The following TRIM51G variants were observed in gnomAD, a reference collection of about 807,000 sequenced individuals.
TRIM51G encodes the protein tripartite motif-containing protein 51G.
chr11:48,982,448 T>G, the TRIM51G span, among the ~76,000 whole-genome samples: 2 of 152,042 alleles, frequency 1.3e-5, no homozygotes, highest in South Asian at 4.1e-4. Context: ...GGTATAGCAT[T>G]ATTTCTGGGT....
chr11:48,982,565 T>C, the TRIM51G span, among the ~76,000 whole-genome samples: 12 of 152,028 alleles, frequency 7.9e-5, no homozygotes, highest in Admixed American at 4.6e-4. Flanking sequence ...TAGCTCAGAC[T>C]GAAGATAAAG....
the TRIM51G span, chr11:48,975,499 C>T: frequency 7.2e-7 from 1 of 1,382,722 alleles, no homozygotes; most frequent in South Asian, 1.2e-5. Context: ...TTTCTCTGGT[C>T]AGAAGTGACT....
chr11:48,982,947 G>GTGTGTGTGTATATATATA, the TRIM51G span, among the ~76,000 whole-genome samples: 1 of 86,152 alleles, frequency 1.2e-5, no homozygotes, highest in Non-Finnish European at 2.2e-5. Context: ...AGTATTTTTG[G>GTGTGTGTGTATATATATA]TATATATACA....
At chr11:48,981,657 G>A in the TRIM51G span, 2 of 1,599,824 alleles carry the variant, frequency 1.3e-6, no homozygotes, top group East Asian at 2.2e-5. Context: ...TGGGACAGAT[G>A]AGTTCCCTCT....
chr11:48,978,847 A>G, the TRIM51G span: 1 of 1,033,814 alleles, frequency 9.7e-7, no homozygotes, highest in Non-Finnish European at 1.5e-6. Context: ...CTTCAACATC[A>G]TGATAACCCA....
At chr11:48,975,798 C>T in the TRIM51G span, 2 of 1,549,358 alleles carry the variant, frequency 1.3e-6, no homozygotes, top group South Asian at 2.2e-5. Flanking sequence ...CACCAAAAGC[C>T]CAATTCCAAG....
the TRIM51G span, among the ~76,000 whole-genome samples, chr11:48,977,775 T>C: frequency 0.41 from 62,998 of 151,916 alleles, 15,234 homozygotes; most frequent in Admixed American, 0.53. Flanking sequence ...TTTGTAGCCA[T>C]GTAGTAAATG....
the TRIM51G span, chr11:48,979,168 C>G: frequency 1.5e-6 from 1 of 652,482 alleles, no homozygotes; most frequent in East Asian, 3.1e-5. Context: ...ACTGATTCCT[C>G]TTAGCATTCT....
the TRIM51G span, among the ~76,000 whole-genome samples, chr11:48,976,517 G>C: frequency 6.6e-6 from 1 of 152,026 alleles, no homozygotes; most frequent in Non-Finnish European, 1.5e-5. Flanking sequence ...GCTAGCTCTA[G>C]ACTGAAACTG....
chr11:48,980,421 T>C, the TRIM51G span, among the ~76,000 whole-genome samples: 6 of 152,148 alleles, frequency 3.9e-5, no homozygotes, highest in African/African-American at 1.2e-4. Context: ...ACTGATTCAA[T>C]ATTAATTAGT....
At chr11:48,976,321 A>C in the TRIM51G span, among the ~76,000 whole-genome samples, 4 of 152,076 alleles carry the variant, frequency 2.6e-5, no homozygotes, top group East Asian at 1.9e-4. Flanking sequence ...CTATCAAGGT[A>C]ATTATTATTA....
the TRIM51G span, chr11:48,975,707 T>C: frequency 1.3e-6 from 2 of 1,543,606 alleles, no homozygotes; most frequent in South Asian, 1.1e-5. Flanking sequence ...GTGTCCTCCT[T>C]AACACATCCA....
the TRIM51G span, chr11:48,978,748 G>T: frequency 4.4e-5 from 25 of 573,986 alleles, no homozygotes; most frequent in Admixed American, 6.8e-4. Flanking sequence ...AGTAGCATTA[G>T]TTATAGAATC....
chr11:48,980,616 C>T, the TRIM51G span, among the ~76,000 whole-genome samples: 3 of 152,076 alleles, frequency 2.0e-5, no homozygotes, highest in Non-Finnish European at 4.4e-5. Flanking sequence ...TCCAGGCAGC[C>T]CACTGGGAAC....
At chr11:48,976,000 G>A in the TRIM51G span, 1 of 605,570 alleles carries the variant, frequency 1.7e-6, no homozygotes. Flanking sequence ...AAGATAAACT[G>A]CAAAAATAAT....
chr11:48,978,236 C>T, the TRIM51G span: 1 of 516,278 alleles, frequency 1.9e-6, no homozygotes, highest in Admixed American at 2.1e-5. Flanking sequence ...GATATGGAGA[C>T]AGTTTCTGAA....
the TRIM51G span, among the ~76,000 whole-genome samples, chr11:48,976,558 T>C: frequency 6.6e-6 from 1 of 152,178 alleles, no homozygotes; most frequent in Non-Finnish European, 1.5e-5. Flanking sequence ...GCTCTTCATG[T>C]TGTAACTAAA....
At chr11:48,976,460 G>A in the TRIM51G span, among the ~76,000 whole-genome samples, 5 of 152,062 alleles carry the variant, frequency 3.3e-5, no homozygotes, top group Non-Finnish European at 7.4e-5. Context: ...GGTAACTTAA[G>A]GCAGATTTTT....
chr11:48,978,486 A>G, the TRIM51G span, among the ~76,000 whole-genome samples: 11 of 152,152 alleles, frequency 7.2e-5, no homozygotes, highest in East Asian at 3.9e-4. Flanking sequence ...CCCCAACATA[A>G]TATTAGTGTG....
Sources: gnomAD v4.1 joint callset for allele counts (sites outside exome capture counted in the v4.1 genomes callset) on GRCh38, gnomAD v4.1.1 for gene constraint, MANE v1.5 for transcripts, NCBI Gene and HGNC (gene_info 2026-07-23, HGNC 2026-07-21) for gene names.